The following QDPR variants were observed in gnomAD, a reference collection of about 807,000 sequenced individuals.
The protein encoded by QDPR is quinoid dihydropteridine reductase, also known as dihydropteridine reductase.
A neutral mutation model predicts 31.7 loss-of-function variants in QDPR; 23 were observed. The observed-to-expected ratio is 0.73, with a 90% CI of 0.52 to 1.03. The LOEUF (loss-of-function observed/expected upper bound fraction) is 1.03, where lower values mean the gene tolerates loss of function less well. QDPR is among the 50% of genes least tolerant of loss of function. QDPR has a pLI of 0.00. For synonymous variants in QDPR, 124 were observed against 124.7 expected, an observed-to-expected ratio of 0.99 and a Z score of 0.03; for missense variants, 324 against 323.8, an observed-to-expected ratio of 1.00 and a Z score of 0.00.
At chr4:17,506,276 T>G (rs1250978503) in intron 2 of QDPR, among the ~76,000 whole-genome samples, 2 of 152,100 alleles carry the variant, frequency 1.3e-5, no homozygotes, top group African/African-American at 2.4e-5. Flanking sequence ...ACTACAGTTG[T>G]GTGCCACCAC....
chr4:17,511,900 G>A, intron 1 of QDPR, 50 bp downstream of exon 1: 1 of 1,572,034 alleles, frequency 6.4e-7, no homozygotes, highest in Non-Finnish European at 8.6e-7. Flanking sequence ...CCACACGAAA[G>A]CCCCCGGCCA....
At chr4:17,497,999 A>G (rs2108991039) in intron 4 of QDPR, among the ~76,000 whole-genome samples, 1 of 152,266 alleles carries the variant, frequency 6.6e-6, no homozygotes, top group South Asian at 2.1e-4. Flanking sequence ...GCAGGAATGG[A>G]GTCTTTCCTC....
intron 4 of QDPR, among the ~76,000 whole-genome samples, chr4:17,495,277 G>A (rs1718312319): frequency 6.6e-6 from 1 of 152,136 alleles, no homozygotes; most frequent in South Asian, 2.1e-4. Context: ...GCCTGGAAAG[G>A]GGCTGCCAGG....
At position 17,501,874 on chromosome 4, in the gene QDPR, C is replaced by A. The variant is rs776479029; in HGVS notation, c.296-15G>T. On this transcript the variant is annotated splice_polypyrimidine_tract_variant and intron_variant, in intron 3 of 6. Transcript: ENST00000281243. ...CTTAAAGAGAGCTGAGTGAAAAAAACATGTGGGCTCAGCATTCCCAGGAAA... is the reference window on the plus strand; with the variant it reads ...CTTAAAGAGAGCTGAGTGAAAAAAAAATGTGGGCTCAGCATTCCCAGGAAA... 31 of 1,613,890 alleles carry A rather than the reference C, an allele frequency of 1.9e-5. 1 individual carries two copies. The South Asian group carries it at 3.2e-4, about 17-fold the overall frequency.
rs1325833642 is a variant in QDPR, at chr4:17,487,448, G to A, written c.630-212C>T. Reference sequence around the variant, plus strand: ...GCAGATCGCTTGAGGTCAGGAGTTCGAGACCAGCCTGGCCAATATGATGAA... The same window carrying A: ...GCAGATCGCTTGAGGTCAGGAGTTCAAGACCAGCCTGGCCAATATGATGAA... On this transcript the variant is annotated intron_variant, in intron 6 of 6. Transcript: ENST00000281243. Among the ~76,000 whole-genome samples, 5 of 151,818 alleles carry A rather than the reference G, an allele frequency of 3.3e-5. No individual in the cohort carries two copies. The East Asian group carries it at 7.8e-4, about 24-fold the overall frequency.
In QDPR at chr4:17,509,380, G is replaced by C; in HGVS notation, c.106-17C>G. The C allele has an allele frequency of 6.2e-7, 1 of 1,608,102 alleles. No homozygotes were observed. The highest frequency in any genetic ancestry group is 8.5e-7 in the Non-Finnish European group (1 of 1,174,720). On this transcript the variant is annotated splice_polypyrimidine_tract_variant and intron_variant, in intron 1 of 6. Coordinates refer to ENST00000281243, the MANE Select transcript of QDPR (RefSeq NM_000320.3). ...GGCAACCCACTGGAAGGAGAAAACA[G>C]CTTTGGTTAAGAGGCAGTGAGTTGT...
At chr4:17,499,940 AG>A (rs1360909676) in intron 4 of QDPR, among the ~76,000 whole-genome samples, 1 of 152,068 alleles carries the variant, frequency 6.6e-6, no homozygotes, top group Non-Finnish European at 1.5e-5. Flanking sequence ...AAGGGTCCCA[AG>A]GTCTCTACCA....
intron 4 of QDPR, 148 bp downstream of exon 4, chr4:17,501,571 T>G: frequency 1.1e-6 from 1 of 939,736 alleles, no homozygotes; most frequent in Non-Finnish European, 1.6e-6. Context: ...CTAAAATGAT[T>G]CAGGCCCAAA....
chr4:17,509,509 T>C (rs1718922388), intron 1 of QDPR, 146 bp from the exon 2 acceptor site: 1 of 721,550 alleles, frequency 1.4e-6, no homozygotes, highest in Non-Finnish European at 2.4e-6. Context: ...GAGGATCTCT[T>C]GAGGCCAAGA....
intron 2 of QDPR, among the ~76,000 whole-genome samples, chr4:17,508,550 A>C (rs1404346625): frequency 6.6e-6 from 1 of 152,182 alleles, no homozygotes; most frequent in Admixed American, 6.5e-5. Context: ...AAACAAACTA[A>C]ATAAATTGTG....
At chr4:17,499,317 T>C (rs1448784951) in intron 4 of QDPR, among the ~76,000 whole-genome samples, 1 of 152,200 alleles carries the variant, frequency 6.6e-6, no homozygotes, top group Non-Finnish European at 1.5e-5. Flanking sequence ...AATCAAAGGA[T>C]ACCTGCAAAC....
intron 4 of QDPR, among the ~76,000 whole-genome samples, chr4:17,494,585 T>C (rs1718286535): frequency 1.3e-5 from 2 of 152,238 alleles, no homozygotes; most frequent in Non-Finnish European, 2.9e-5. Flanking sequence ...TCCTCCTTAA[T>C]TATGTCAAGT....
chr4:17,507,692 C>A (rs1380898770), intron 2 of QDPR, among the ~76,000 whole-genome samples: 2 of 151,960 alleles, frequency 1.3e-5, no homozygotes, highest in African/African-American at 2.4e-5. Flanking sequence ...CAACCTCTGC[C>A]TCCCAGGTTC....
chr4:17,511,956 G>A lies in QDPR; in HGVS notation c.99C>T (p.Arg33=). 4 of 1,610,580 alleles carry A rather than the reference G, an allele frequency of 2.5e-6. No individual in the cohort carries two copies. Among genetic ancestry groups the A allele is most frequent in the Non-Finnish European group, 3.4e-6 (4 of 1,178,996 alleles). The change falls in exon 1 of 7, where the codon CGC becomes CGT. Residue 33 remains arginine (R), a synonymous_variant. Coordinates refer to ENST00000281243, the MANE Select transcript of QDPR (RefSeq NM_000320.3). ...CCCCAGCCCGCAGCATTACCCAGTT[G>A]CGGGCCCGAAAAGCCTGCACGCATC... is the stretch of plus-strand genomic sequence containing the variant. The part of the protein sequence containing the change: ...GSRCVQAFRA[R]NWWVASVDVV...
chr4:17,488,201 G>C (rs1250247106), intron 6 of QDPR, among the ~76,000 whole-genome samples: 1 of 151,906 alleles, frequency 6.6e-6, no homozygotes, highest in African/African-American at 2.4e-5. Flanking sequence ...ATCAAGGCTA[G>C]GGTAAGCCAT....
rs966598811 is a variant in QDPR at position 17,505,247 on chromosome 4, T to G, written c.199-772A>C. 6.8e-5 allele frequency among the ~76,000 whole-genome samples: 10 copies of G among 146,084 alleles called. 1 individual carries two copies. Among genetic ancestry groups the G allele is most frequent in the Admixed American group, 5.5e-4 (8 of 14,654 alleles). On this transcript the variant is annotated intron_variant, in intron 2 of 6. Transcript: ENST00000281243. ...AGATCAATCTTCTTAAGATTTCTTT[T>G]TTTTTTTTTTTTTTTTTTGAGATGG...
intron 6 of QDPR, chr4:17,489,907 A>C (rs1718097584): frequency 6.5e-6 from 1 of 153,760 alleles, no homozygotes; most frequent in Non-Finnish European, 1.4e-5. Flanking sequence ...TGTCACCTTG[A>C]CCCTCTCGGC....
At chr4:17,503,754 A>G (rs113758487) in intron 3 of QDPR, among the ~76,000 whole-genome samples, 7,310 of 152,302 alleles carry the variant, frequency 0.048, 243 homozygotes, top group African/African-American at 0.091. Flanking sequence ...GTTCAAGACC[A>G]GCCTGGGCAA....
intron 4 of QDPR, among the ~76,000 whole-genome samples, chr4:17,497,512 T>TATTATCTCAATATAATTATATA (rs1553874762): frequency 0.068 from 5,526 of 80,976 alleles, 358 homozygotes; most frequent in African/African-American, 0.2. Context: ...AATATAATTA[T>TATTATCTCAATATAATTATATA]ATTATCTCTA....
Sources: allele counts gnomAD v4.1 joint callset (sites outside exome capture counted in the v4.1 genomes callset), GRCh38; gene constraint gnomAD v4.1.1; transcripts MANE v1.5; gene names NCBI Gene and HGNC (gene_info 2026-07-23, HGNC 2026-07-21).